Variants in CDCA7 observed in about 807,000 individuals in gnomAD.
The protein encoded by CDCA7 is cell division cycle-associated protein 7.
In CDCA7, 28 loss-of-function variants were observed where a neutral mutation model predicts 54.0. That is an observed-to-expected ratio of 0.52 (90% CI 0.38 to 0.71). CDCA7 has a LOEUF of 0.71. CDCA7 is among the 30% of genes least tolerant of loss of function. The pLI, the probability that CDCA7 is intolerant of heterozygous loss-of-function variation, is 0.00. For missense variants in CDCA7, 484 were observed against 586.0 expected, an observed-to-expected ratio of 0.83 and a Z score of 1.80; for synonymous variants, 180 against 208.2, an observed-to-expected ratio of 0.86 and a Z score of 1.16.
At chr2:173,361,837 T>C (rs1686628232) in intron 3 of CDCA7, among the ~76,000 whole-genome samples, 1 of 152,046 alleles carries the variant, frequency 6.6e-6, no homozygotes, top group Non-Finnish European at 1.5e-5. Context: ...AGACGGAGTC[T>C]TGCTCTGTAG....
At chr2:173,359,782 A>G (rs982027544) in intron 3 of CDCA7, among the ~76,000 whole-genome samples, 2 of 152,238 alleles carry the variant, frequency 1.3e-5, no homozygotes, top group African/African-American at 4.8e-5. Context: ...CAGGAAGCAC[A>G]CTAGTTCTAA....
At chr2:173,365,356 T>G in intron 6 of CDCA7, 96 bp from the exon 7 acceptor site, 1 of 1,363,114 alleles carries the variant, frequency 7.3e-7, no homozygotes, top group East Asian at 2.3e-5. Context: ...CAGTTTTGAA[T>G]CTCTGTGTTT....
intron 1 of CDCA7, among the ~76,000 whole-genome samples, chr2:173,356,359 G>A (rs1327910246): frequency 2.1e-5 from 3 of 144,972 alleles, no homozygotes; most frequent in African/African-American, 7.7e-5. Flanking sequence ...CTGCTTGCAG[G>A]TAGATTGATG....
At position 173,367,155 on chromosome 2, in the gene CDCA7, G is replaced by A; in HGVS notation, c.1191G>A (p.Trp397Ter). The change falls in exon 9 of 10, where the codon TGG becomes TGA. Residue 397 changes from tryptophan to a stop codon, truncating the protein, a stop_gained. Coordinates refer to ENST00000306721, the MANE Select transcript of CDCA7 (RefSeq NM_031942.5). LOFTEE classifies it high-confidence loss of function. ...EVRDALLDPN[W>*]HCPPCRGICN... The stretch of plus-strand genomic sequence containing the variant: ...GTTTGACAATCCTCCTTCAGAACTG[G>A]CATTGCCCGCCTTGTCGAGGAATCT... The A allele has an allele frequency of 6.3e-7, 1 of 1,588,850 alleles. No homozygotes were observed. Among genetic ancestry groups the A allele is most frequent in the Non-Finnish European group, 8.6e-7 (1 of 1,169,440 alleles).
At chr2:173,355,693 C>T (rs1449730883) in intron 1 of CDCA7, among the ~76,000 whole-genome samples, 1 of 149,982 alleles carries the variant, frequency 6.7e-6, no homozygotes, top group Admixed American at 6.6e-5. Context: ...ACCCCCCAGC[C>T]TTACTCTTAG....
chr2:173,361,057 C>G (rs1484633317), intron 3 of CDCA7, among the ~76,000 whole-genome samples: 1 of 152,146 alleles, frequency 6.6e-6, no homozygotes, highest in Admixed American at 6.5e-5. Context: ...GATATGTGGT[C>G]TTTTGTGACT....
At chr2:173,356,468 T>G (rs62175709) in intron 1 of CDCA7, among the ~76,000 whole-genome samples, 10,407 of 152,226 alleles carry the variant, frequency 0.068, 487 homozygotes, top group East Asian at 0.24. Context: ...TCTTGCAGTC[T>G]ATTACACCTT....
In CDCA7 at chr2:173,359,471, AGT is replaced by A; in HGVS notation, c.366_367del (p.Ser122ArgfsTer16). 1 of 1,614,086 alleles carries A rather than the reference AGT, an allele frequency of 6.2e-7. No homozygotes were observed. Among genetic ancestry groups the A allele is most frequent in the Non-Finnish European group, 8.5e-7 (1 of 1,179,932 alleles). ...TGAATCATTTTGCGGTTTCTCAGAG[AGT>A]GAGATACAAGATGGAATGGTGAGTT... is the stretch of plus-strand genomic sequence containing the variant. Reference protein sequence around the residue: ...DDESFCGFSESEIQDGMRLQS... With the variant: ...DDESFCGFSEXEIQDGMRLQS... On this transcript the variant is annotated frameshift_variant, in exon 3 of 10. Transcript: ENST00000306721. LOFTEE classifies it high-confidence loss of function.
At chr2:173,358,261 C>G (rs538553397) in intron 1 of CDCA7, among the ~76,000 whole-genome samples, 2 of 151,698 alleles carry the variant, frequency 1.3e-5, no homozygotes, top group Non-Finnish European at 2.9e-5. Flanking sequence ...GATACAGTAG[C>G]TAATGCCTGT....
rs757199152 is a variant in CDCA7 at position 173,363,810 on chromosome 2, C to A, written c.622-8C>A. ...CAATGATATCAGTTTAATTTCCTCC[C>A]TTTTTAGCTTGCAAAACTCATGTCT... On this transcript the variant is annotated splice_region_variant and splice_polypyrimidine_tract_variant and intron_variant, in intron 4 of 9. Transcript: ENST00000306721. 1 of 1,613,820 alleles carries A rather than the reference C, an allele frequency of 6.2e-7. No homozygotes were observed. The highest frequency in any genetic ancestry group is 1.3e-5 in the African/African-American group (1 of 75,004).
In CDCA7 at chr2:173,364,997, C is replaced by T. The variant is rs752598179; in HGVS notation, c.894+8C>T. 1 of 1,566,824 alleles carries T rather than the reference C, an allele frequency of 6.4e-7. No homozygotes were observed. Among genetic ancestry groups the T allele is most frequent in the South Asian group, 1.2e-5 (1 of 84,458 alleles). On this transcript the variant is annotated splice_region_variant and intron_variant, in intron 6 of 9. Transcript: ENST00000306721. Reference sequence around the variant, plus strand: ...GTGGATGGCTACATGAATGTGAGTTCTCCGCATTGGTACTTGCTCTTCTGA... The same window carrying T: ...GTGGATGGCTACATGAATGTGAGTTTTCCGCATTGGTACTTGCTCTTCTGA...
rs1686755141 is a variant in CDCA7 at position 173,367,982 on chromosome 2, T to A, written c.*318T>A. On this transcript the variant is annotated 3_prime_UTR_variant, in exon 10 of 10. Coordinates refer to ENST00000306721, the MANE Select transcript of CDCA7 (RefSeq NM_031942.5). ...TACAGTTTTATGAAAGCATATTTTA[T>A]TTACTTGGTGTTGAAATAGCCCTCA... 2 of 397,356 alleles carry A rather than the reference T, an allele frequency of 5.0e-6. No homozygotes were observed. Among genetic ancestry groups the A allele is most frequent in the Non-Finnish European group, 4.5e-6 (1 of 220,700 alleles). 24.6% of individuals were successfully genotyped at this position (397,356 alleles called of 1,614,324 possible).
rs767456994 is a variant in CDCA7 at position 173,365,585 on chromosome 2, G to A, written c.1028G>A (p.Arg343His). ...AATTCTCGAGAGAAGATATATAACC[G>A]TTCACTGGTGAGAGCCTCTAAATTA... ...CSNSREKIYN[R>H]SLGSTCHQCR... The change falls in exon 7 of 10, where the codon CGT becomes CAT. Residue 343 changes from arginine (R) to histidine (H), a missense_variant. By Grantham distance (29) the Arg-to-His change is conservative. Coordinates refer to ENST00000306721, the MANE Select transcript of CDCA7 (RefSeq NM_031942.5). 3.7e-6 allele frequency: 6 copies of A among 1,613,624 alleles called. No homozygotes were observed. The highest frequency in any genetic ancestry group is 2.2e-5 in the East Asian group (1 of 44,870).
At chr2:173,355,056 C>G in intron 1 of CDCA7, 72 bp downstream of exon 1, 1 of 1,266,814 alleles carries the variant, frequency 7.9e-7, no homozygotes, top group Non-Finnish European at 9.9e-7. Flanking sequence ...CGGGCCGACC[C>G]TCTCCAACTC....
rs557651150 is a variant in CDCA7, at chr2:173,355,788, A to G, written c.21+804A>G. On this transcript the variant is annotated intron_variant, in intron 1 of 9. Coordinates refer to ENST00000306721, the MANE Select transcript of CDCA7 (RefSeq NM_031942.5). ...GGGTCGGGCTCCTGGAGAGGGTAGAAGAGTGGGGGTTGGGTGAAACGGAAG... is the reference window on the plus strand; with the variant it reads ...GGGTCGGGCTCCTGGAGAGGGTAGAGGAGTGGGGGTTGGGTGAAACGGAAG... Among the ~76,000 whole-genome samples, 320 of 151,826 alleles carry G rather than the reference A, an allele frequency of 2.1e-3. 2 individuals carry two copies. Among genetic ancestry groups the G allele is most frequent in the Non-Finnish European group, 3.8e-3 (255 of 67,950 alleles).
intron 6 of CDCA7, among the ~76,000 whole-genome samples, chr2:173,365,241 C>T (rs1015970681): frequency 1.3e-5 from 2 of 152,176 alleles, no homozygotes; most frequent in African/African-American, 4.8e-5. Context: ...CTACAGTAAG[C>T]GTATGGCCTG....
At position 173,366,728 on chromosome 2, in the gene CDCA7, G is replaced by A. The variant is rs1686728781; in HGVS notation, c.1185+296G>A. 6.6e-6 allele frequency among the ~76,000 whole-genome samples: 1 copy of A among 152,096 alleles called. No individual in the cohort carries two copies. Among genetic ancestry groups the A allele is most frequent in the African/African-American group, 2.4e-5 (1 of 41,414 alleles). ...TAATTTTTGTATTTTTAGTAGAGACGGGGTTTCACCACATTGGCCAGGATG... is the reference window on the plus strand; with the variant it reads ...TAATTTTTGTATTTTTAGTAGAGACAGGGTTTCACCACATTGGCCAGGATG... On this transcript the variant is annotated intron_variant, in intron 8 of 9. Transcript: ENST00000306721. The surrounding 1 kb of genome is among the most constrained non-coding windows in gnomAD (Gnocchi z 4.5).
At chr2:173,359,799 T>C (rs776634155) in intron 3 of CDCA7, among the ~76,000 whole-genome samples, 1 of 152,186 alleles carries the variant, frequency 6.6e-6, no homozygotes, top group Non-Finnish European at 1.5e-5. Context: ...CTAAATATTA[T>C]CTACATTTGC....
chr2:173,365,003 AT>A lies in CDCA7; in HGVS notation c.894+16del. 6.4e-7 allele frequency: 1 copy of A among 1,558,184 alleles called. No individual in the cohort carries two copies. The stretch of plus-strand genomic sequence containing the variant: ...GGCTACATGAATGTGAGTTCTCCGC[AT>A]TGGTACTTGCTCTTCTGATTCTCAT... On this transcript the variant is annotated intron_variant, in intron 6 of 9. Coordinates refer to ENST00000306721, the MANE Select transcript of CDCA7 (RefSeq NM_031942.5).
Sources: gnomAD v4.1 joint callset for allele counts (sites outside exome capture counted in the v4.1 genomes callset) on GRCh38, gnomAD v4.1.1 for gene constraint, Gnocchi (gnomAD v3.1) non-coding constraint, MANE v1.5 for transcripts, NCBI Gene and HGNC (gene_info 2026-07-23, HGNC 2026-07-21) for gene names.